Variants in NCOR2 observed in about 807,000 individuals in gnomAD.
The protein encoded by NCOR2 is CTG repeat protein 26.
A neutral mutation model predicts 262.9 loss-of-function variants in NCOR2; 81 were observed. The ratio of observed to expected loss-of-function variants is 0.31; its 90% CI spans 0.26 to 0.37. The LOEUF is 0.37. Ranked by LOEUF, NCOR2 falls within the 10% of genes least tolerant of loss-of-function variation. The pLI is 1.00. For missense variants in NCOR2, 3,385 were observed against 3,621.4 expected (o/e 0.93, Z 1.68); for synonymous variants, 1,659 against 1,559.3 (o/e 1.06, Z -1.51).
chr12:124,426,917 C>A, intron 10 of NCOR2, 117 bp from the exon 13 acceptor site: 5 of 914,260 alleles, frequency 5.5e-6, no homozygotes, highest in Middle Eastern at 3.6e-4. Flanking sequence ...AGGGAAAACG[C>A]GAAACCAAGG....
chr12:124,383,536 A>G lies in NCOR2; in HGVS notation c.2019+2209T>C, dbSNP rs1303006146. On this transcript the variant is annotated intron_variant, in intron 17 of 46. Transcript: ENST00000405201. ...AGTCTAATAAAACCTTCCAACTCAA[A>G]AAAAAAAAAAGAGGGGGCCTCAGGT... The G allele has an allele frequency of 1.2e-5, 7 of 604,948 alleles. No individual in the cohort carries two copies. The Admixed American group carries it at 2.4e-4, about 21-fold the overall frequency. 37.5% of individuals were successfully genotyped at this position (604,948 alleles called of 1,614,324 possible). A position where few individuals can be genotyped will look rare whatever the true frequency, so the allele number is the denominator to read the frequency against.
chr12:124,346,419 G>A (rs1566374104), intron 31 of NCOR2, 145 bp downstream of exon 33: 1 of 896,808 alleles, frequency 1.1e-6, no homozygotes. Flanking sequence ...CACAGCTGAG[G>A]CCCGGTGATG....
At chr12:124,501,492 CTCTGG>C (rs2048733565) in intron 1 of NCOR2, among the ~76,000 whole-genome samples, 1 of 144,998 alleles carries the variant, frequency 6.9e-6, no homozygotes, top group African/African-American at 2.7e-5. Flanking sequence ...CCTCTGGGGG[CTCTGG>C]GGGAGGCCCT....
chr12:124,403,981 C>A (rs1259473355), intron 13 of NCOR2, among the ~76,000 whole-genome samples: 1 of 152,204 alleles, frequency 6.6e-6, no homozygotes, highest in South Asian at 2.1e-4. Flanking sequence ...GGAACAGACC[C>A]CCCGGCCCCC....
intron 1 of NCOR2, among the ~76,000 whole-genome samples, chr12:124,557,172 G>C (rs2051910769): frequency 6.6e-6 from 1 of 152,246 alleles, no homozygotes; most frequent in African/African-American, 2.4e-5. Flanking sequence ...GCCACGTGGG[G>C]GATGGGTCTC....
intron 1 of NCOR2, among the ~76,000 whole-genome samples, chr12:124,511,591 C>T (rs1345248776): frequency 6.6e-6 from 1 of 152,216 alleles, no homozygotes; most frequent in Non-Finnish European, 1.5e-5. Context: ...CTTAGCAGGG[C>T]TGTCTGAGGG....
exon 47 of NCOR2, chr12:124,325,388 C>CCCG (rs1555297214): frequency 1.9e-4 from 133 of 693,374 alleles, no homozygotes; most frequent in South Asian, 2.6e-4. Flanking sequence ...CCCCCCCCCC[C>CCCG]GCCCTGTTCT....
intron 1 of NCOR2, among the ~76,000 whole-genome samples, chr12:124,547,690 G>A (rs1412944640): frequency 6.6e-6 from 1 of 151,832 alleles, no homozygotes; most frequent in East Asian, 1.9e-4. Flanking sequence ...CCAGCCTCTG[G>A]CAACCACCAA....
At position 124,566,638 on chromosome 12, in the gene NCOR2, C is replaced by T. The variant is rs1012767025; in HGVS notation, c.-165+670G>A. Among the ~76,000 whole-genome samples the T allele has an allele frequency of 2.0e-5, 3 of 152,238 alleles. No individual in the cohort carries two copies. The highest frequency in any genetic ancestry group is 4.8e-5 in the African/African-American group (2 of 41,466). ...AGTAGTGGCATCCCAAGTATCCGCA[C>T]AGCCCGGGGGAGGGACTAGGAGGCG... On this transcript the variant is annotated intron_variant, in intron 1 of 32. Transcript: ENST00000458234. This position sits in a 1 kb window ranked among gnomAD's most constrained non-coding sequence, Gnocchi z 4.3.
chr12:124,447,954 G>C (rs1180978474), intron 7 of NCOR2, among the ~76,000 whole-genome samples: 1 of 152,154 alleles, frequency 6.6e-6, no homozygotes, highest in Non-Finnish European at 1.5e-5. Context: ...AAAGTGCTCG[G>C]ATTATAGGCA....
chr12:124,477,495 T>G (rs981152530), intron 3 of NCOR2, among the ~76,000 whole-genome samples: 5 of 152,238 alleles, frequency 3.3e-5, no homozygotes, highest in Non-Finnish European at 4.4e-5. Flanking sequence ...AGTGACTGAT[T>G]AATGAGTATG....
intron 13 of NCOR2, among the ~76,000 whole-genome samples, chr12:124,406,557 G>C (rs2042288844): frequency 6.6e-6 from 1 of 152,240 alleles, no homozygotes; most frequent in African/African-American, 2.4e-5. Context: ...GAATCAGAAA[G>C]AACTAGAAGC....
chr12:124,555,098 T>C (rs1285498936), intron 1 of NCOR2, among the ~76,000 whole-genome samples: 1 of 152,184 alleles, frequency 6.6e-6, no homozygotes, highest in African/African-American at 2.4e-5. Context: ...CCTGAGCCAA[T>C]GATATCACCA....
intron 5 of NCOR2, 30 bp downstream of exon 7, chr12:124,466,143 G>A (rs972302423): frequency 1.9e-6 from 3 of 1,578,102 alleles, no homozygotes; most frequent in East Asian, 2.4e-5. Flanking sequence ...CCAGCACCGG[G>A]GGGCAGCAGG....
intron 7 of NCOR2, among the ~76,000 whole-genome samples, chr12:124,446,686 G>A (rs1457551215): frequency 6.6e-6 from 1 of 152,076 alleles, no homozygotes; most frequent in Admixed American, 6.6e-5. Context: ...ACTTACCAGA[G>A]TAATAGAATT....
At chr12:124,515,148 G>A (rs1235670764) in intron 1 of NCOR2, among the ~76,000 whole-genome samples, 8 of 152,152 alleles carry the variant, frequency 5.3e-5, no homozygotes, top group African/African-American at 1.9e-4. Flanking sequence ...TGGACCCCCT[G>A]GGATGTCCAA....
At chr12:124,558,364 G>A (rs1231539380) in intron 1 of NCOR2, among the ~76,000 whole-genome samples, 1 of 152,086 alleles carries the variant, frequency 6.6e-6, no homozygotes, top group Non-Finnish European at 1.5e-5. Context: ...TGGGGGGCGT[G>A]CAGGCCTCCT....
intron 13 of NCOR2, among the ~76,000 whole-genome samples, chr12:124,407,643 G>T (rs1037321920): frequency 6.6e-6 from 1 of 152,218 alleles, no homozygotes; most frequent in Non-Finnish European, 1.5e-5. Flanking sequence ...CAGTGAGAAG[G>T]TGCTGCGACC....
chr12:124,527,352 C>T (rs1396759208), intron 1 of NCOR2, among the ~76,000 whole-genome samples: 1 of 152,156 alleles, frequency 6.6e-6, no homozygotes, highest in East Asian at 1.9e-4. Context: ...TCAGTTTCCT[C>T]ATATGTAAAG....
Sources: allele counts gnomAD v4.1 joint callset (sites outside exome capture counted in the v4.1 genomes callset), GRCh38; gene constraint gnomAD v4.1.1; non-coding constraint Gnocchi (gnomAD v3.1); transcripts MANE v1.5; gene names NCBI Gene and HGNC (gene_info 2026-07-23, HGNC 2026-07-21).